The following TXNL1 variants were observed in gnomAD, a reference collection of about 807,000 sequenced individuals.
TXNL1 encodes thioredoxin like 1, also known as thioredoxin-like protein 1.
In TXNL1, 14 loss-of-function variants were observed where a neutral mutation model predicts 35.5. The observed-to-expected ratio is 0.39, with a 90% CI of 0.26 to 0.62. The LOEUF (loss-of-function observed/expected upper bound fraction) is 0.62, where lower values mean the gene tolerates loss of function less well. Among genes scored for constraint, TXNL1 ranks in the 20% least tolerant of loss-of-function variants. The probability of loss-of-function intolerance (pLI) is 0.47; values close to 1 mark genes in which losing one functional copy is unlikely to be tolerated. For synonymous variants in TXNL1, 110 were observed against 115.5 expected (o/e 0.95, Z 0.31); for missense variants, 263 against 349.7 (o/e 0.75, Z 1.98).
intron 5 of TXNL1, among the ~76,000 whole-genome samples, chr18:56,615,470 T>TGGGG (rs5825193): frequency 8.7e-4 from 119 of 136,374 alleles, no homozygotes; most frequent in African/African-American, 3.1e-3. Context: ...AAAGAAAAAA[T>TGGGG]GGGGGGGGGC....
At position 56,638,256 on chromosome 18, in the gene TXNL1, G is replaced by A. The variant is rs2024488428; in HGVS notation, c.98+87C>T. The A allele has an allele frequency of 3.6e-6, 5 of 1,387,794 alleles. No homozygotes were observed. In the African/African-American group the frequency reaches 5.8e-5, roughly 16 times the overall value. The allele number at this position is 1,387,794 out of a possible 1,614,324, so 86.0% of individuals were successfully genotyped here. ...GACTGCCGGACACTCCGGGGCAGCA[G>A]ACGGCTAGGAAACCAGGGCCAACAA... On this transcript the variant is annotated intron_variant, in intron 1 of 7. Coordinates refer to ENST00000217515, the MANE Select transcript of TXNL1 (RefSeq NM_004786.3).
chr18:56,611,676 A>T (rs966061821), intron 6 of TXNL1, among the ~76,000 whole-genome samples: 4 of 151,918 alleles, frequency 2.6e-5, no homozygotes, highest in Non-Finnish European at 4.4e-5. Context: ...AGTATGGCAG[A>T]GTCACAATTA....
intron 1 of TXNL1, among the ~76,000 whole-genome samples, chr18:56,626,797 CTTTTTT>C (rs386387792): frequency 0.028 from 1,520 of 55,032 alleles, 44 homozygotes; most frequent in African/African-American, 0.088. Context: ...CCAAGCCGGT[CTTTTTT>C]TTTTTTTTTT....
At chr18:56,610,922 T>A (rs970243798) in intron 7 of TXNL1, 71 bp downstream of exon 7, 1 of 996,650 alleles carries the variant, frequency 1.0e-6, no homozygotes, top group Non-Finnish European at 1.5e-6. Context: ...AGTGTGACAG[T>A]TGAGATACAT....
chr18:56,611,117 A>C lies in TXNL1; in HGVS notation c.736-20T>G. On this transcript the variant is annotated intron_variant, in intron 6 of 7. Transcript: ENST00000217515. Reference sequence around the variant, plus strand: ...AAATATCTACCAAAAAAAAGTTTGCATTTATAATTACAATCCTTCTTCACA... The same window carrying C: ...AAATATCTACCAAAAAAAAGTTTGCCTTTATAATTACAATCCTTCTTCACA... 6.7e-7 allele frequency: 1 copy of C among 1,497,508 alleles called. No individual in the cohort carries two copies. The highest frequency in any genetic ancestry group is 9.2e-7 in the Non-Finnish European group (1 of 1,088,612). 92.8% of individuals were successfully genotyped at this position (1,497,508 alleles called of 1,614,324 possible). A position where few individuals can be genotyped will look rare whatever the true frequency, so the allele number is the denominator to read the frequency against.
At chr18:56,614,220 A>G (rs568373890) in intron 6 of TXNL1, among the ~76,000 whole-genome samples, 1 of 152,294 alleles carries the variant, frequency 6.6e-6, no homozygotes, top group South Asian at 2.1e-4. Flanking sequence ...ACAAAACCCC[A>G]CAAATATTCA....
chr18:56,599,267 T>C lies in TXNL1; in HGVS notation c.*3760A>G, dbSNP rs373366193. The C allele has an allele frequency of 1.3e-5, 2 of 149,576 alleles. No homozygotes were observed. Among genetic ancestry groups the C allele is most frequent in the East Asian group, 3.9e-4 (2 of 5,146 alleles). The allele number at this position is 149,576 out of a possible 1,614,324, so 9.3% of individuals were successfully genotyped here. ...CTCCACTGTCCTCTTATTCCTATAG[T>C]GCTGAGCATGTTAAAAAAAAAAAAA... On this transcript the variant is annotated 3_prime_UTR_variant, in exon 8 of 8. Coordinates refer to ENST00000217515, the MANE Select transcript of TXNL1 (RefSeq NM_004786.3).
intron 1 of TXNL1, among the ~76,000 whole-genome samples, chr18:56,634,874 A>T (rs1347789976): frequency 6.6e-6 from 1 of 152,186 alleles, no homozygotes; most frequent in Non-Finnish European, 1.5e-5. Flanking sequence ...CAACCCAAAG[A>T]ATGGGACAAA....
intron 1 of TXNL1, among the ~76,000 whole-genome samples, chr18:56,634,502 C>G (rs1050878370): frequency 1.3e-5 from 2 of 152,116 alleles, no homozygotes; most frequent in African/African-American, 4.8e-5. Flanking sequence ...AATATGTAAG[C>G]GTTGACTATT....
chr18:56,614,551 G>A lies in TXNL1; in HGVS notation c.608C>T (p.Ser203Phe). The stretch of plus-strand genomic sequence containing the variant: ...TCTTTCTGCCTCTTCAAAATCCATA[G>A]ATCGGGGTAGGTTGATAAAAATTTT... ...YVKIFINLPR[S>F]MDFEEAERSE... is the part of the protein sequence containing the mutation. The change falls in exon 6 of 8, where the codon TCT becomes TTT. Residue 203 changes from serine (S) to phenylalanine (F), a missense_variant. Transcript: ENST00000217515. 2 of 1,613,810 alleles carry A rather than the reference G, an allele frequency of 1.2e-6. No homozygotes were observed. The highest frequency in any genetic ancestry group is 1.7e-6 in the Non-Finnish European group (2 of 1,179,928).
Position 56,635,944 on chromosome 18 carries a change from G to A in TXNL1, c.98+2399C>T, listed in dbSNP as rs527631375. ...ATGCTATGTAAATAGTTGTTATACT[G>A]TATTGTTTAGAAAATAATGACAAGA... On this transcript the variant is annotated intron_variant, in intron 1 of 7. Coordinates refer to ENST00000217515, the MANE Select transcript of TXNL1 (RefSeq NM_004786.3). 7.9e-5 allele frequency among the ~76,000 whole-genome samples: 12 copies of A among 152,196 alleles called. No homozygotes were observed. In the South Asian group the frequency reaches 2.3e-3, roughly 29 times the overall value.
At chr18:56,636,186 G>C (rs1034494140) in intron 1 of TXNL1, among the ~76,000 whole-genome samples, 4 of 151,822 alleles carry the variant, frequency 2.6e-5, no homozygotes, top group African/African-American at 9.7e-5. Context: ...TATCATTTTA[G>C]TAAAATTTAG....
At chr18:56,603,812 T>C (rs1418040956) in intron 7 of TXNL1, among the ~76,000 whole-genome samples, 2 of 152,194 alleles carry the variant, frequency 1.3e-5, no homozygotes, top group Non-Finnish European at 2.9e-5. Flanking sequence ...TATCATTAGA[T>C]AATGTATTCT....
intron 3 of TXNL1, among the ~76,000 whole-genome samples, chr18:56,623,055 T>A (rs1443497295): frequency 6.6e-6 from 1 of 152,138 alleles, no homozygotes; most frequent in Non-Finnish European, 1.5e-5. Flanking sequence ...TCATTCGGCA[T>A]GAATTTAGAC....
chr18:56,609,998 A>AT (rs964242816), intron 7 of TXNL1: 2 of 148,954 alleles, frequency 1.3e-5, no homozygotes, highest in East Asian at 4.0e-4. Context: ...AATCTAATAC[A>AT]TTTTTCTATA....
intron 3 of TXNL1, among the ~76,000 whole-genome samples, chr18:56,622,071 G>A (rs2024198094): frequency 6.7e-6 from 1 of 149,690 alleles, no homozygotes; most frequent in South Asian, 2.1e-4. Flanking sequence ...TATTCAATAT[G>A]ATACTCATTA....
intron 7 of TXNL1, among the ~76,000 whole-genome samples, chr18:56,605,683 A>C (rs1411741613): frequency 6.6e-6 from 1 of 152,244 alleles, no homozygotes; most frequent in Non-Finnish European, 1.5e-5. Context: ...TGACAACAAC[A>C]AACAGCCAAA....
intron 1 of TXNL1, among the ~76,000 whole-genome samples, chr18:56,636,235 A>C (rs1260895619): frequency 6.6e-6 from 1 of 152,230 alleles, no homozygotes; most frequent in East Asian, 1.9e-4. Flanking sequence ...AAAAAAAAGA[A>C]AAAAGGTTTA....
chr18:56,606,672 A>C (rs2144279171), intron 7 of TXNL1, among the ~76,000 whole-genome samples: 1 of 152,342 alleles, frequency 6.6e-6, no homozygotes, highest in African/African-American at 2.4e-5. Flanking sequence ...CTAGCTGGTA[A>C]CGTCTGAGAA....
Sources: allele counts gnomAD v4.1 joint callset (sites outside exome capture counted in the v4.1 genomes callset), GRCh38; gene constraint gnomAD v4.1.1; transcripts MANE v1.5; gene names NCBI Gene and HGNC (gene_info 2026-07-23, HGNC 2026-07-21).